Variants in MYLK3 observed in about 807,000 individuals in gnomAD.
The protein encoded by MYLK3 is MLC kinase.
MYLK3 carries 55 observed loss-of-function variants against 76.3 expected under a neutral mutation model. The ratio of observed to expected loss-of-function variants is 0.72; its 90% CI spans 0.58 to 0.90. The LOEUF (loss-of-function observed/expected upper bound fraction) is 0.90. MYLK3 is among the 40% of genes least tolerant of loss of function. The pLI is 0.00. For missense variants in MYLK3, 973 were observed against 1,053.6 expected (o/e 0.92, Z 1.06); for synonymous variants, 416 against 425.4 (o/e 0.98, Z 0.27).
intron 8 of MYLK3, among the ~76,000 whole-genome samples, chr16:46,724,184 T>C (rs1209958117): frequency 6.6e-6 from 1 of 152,214 alleles, no homozygotes; most frequent in Non-Finnish European, 1.5e-5. Context: ...AAGAGTTTGT[T>C]ATATGTTGTA....
intron 5 of MYLK3, among the ~76,000 whole-genome samples, chr16:46,730,352 C>T (rs1966850106): frequency 6.6e-6 from 1 of 152,178 alleles, no homozygotes. Flanking sequence ...GGGTGCCCGC[C>T]CTCCTGAGCC....
chr16:46,708,021 G>T (rs1421202524), intron 12 of MYLK3, among the ~76,000 whole-genome samples: 2 of 151,816 alleles, frequency 1.3e-5, no homozygotes. Context: ...GGGTAGGGGG[G>T]TCAGGATGGG....
chr16:46,758,657 C>T (rs1307768428), intron 1 of MYLK3, among the ~76,000 whole-genome samples: 2 of 152,192 alleles, frequency 1.3e-5, no homozygotes, highest in East Asian at 3.9e-4. Context: ...CGAGAAGGGT[C>T]ATTTCCCTTA....
intron 10 of MYLK3, 163 bp from the exon 11 acceptor site, chr16:46,710,952 T>C (rs751589129): frequency 2.6e-5 from 20 of 764,272 alleles, no homozygotes; most frequent in Non-Finnish European, 4.1e-5. Context: ...GTCCAGTGTG[T>C]TCATTAAAGG....
chr16:46,732,509 A>C lies in MYLK3; in HGVS notation c.1161T>G (p.Thr387=), dbSNP rs1306303037. The change falls in exon 4 of 13, where the codon ACT becomes ACG. Residue 387 remains threonine, a synonymous_variant. Transcript: ENST00000394809. ...GTGRCLQAPG[T]EPGEQTPEGA... ...CTTCAGGGGTCTGTTCTCCGGGCTC[A>C]GTCCCAGGGGCTTGGAGGCAGCGCC... is the stretch of plus-strand genomic sequence containing the variant. The C allele has an allele frequency of 2.5e-6, 4 of 1,606,532 alleles. No homozygotes were observed. In the Admixed American group the frequency reaches 6.7e-5, roughly 27 times the overall value.
At chr16:46,730,192 C>T (rs1469414887) in intron 5 of MYLK3, among the ~76,000 whole-genome samples, 1 of 151,594 alleles carries the variant, frequency 6.6e-6, no homozygotes, top group Non-Finnish European at 1.5e-5. Context: ...AACATCCCCT[C>T]ACCCCACACC....
chr16:46,758,313 CT>C, intron 1 of MYLK3, among the ~76,000 whole-genome samples: 1 of 8,386 alleles, frequency 1.2e-4, no homozygotes, highest in Non-Finnish European at 2.8e-4. Context: ...CACTCTCTCT[CT>C]CTCTCTCTCT....
chr16:46,726,331 T>C (rs1966840329), intron 8 of MYLK3: 1 of 152,260 alleles, frequency 6.6e-6, no homozygotes. Flanking sequence ...TCCCAGCACT[T>C]TGGGAGGCTG....
At chr16:46,743,104 AC>A (rs1267929676) in intron 1 of MYLK3, among the ~76,000 whole-genome samples, 1 of 152,062 alleles carries the variant, frequency 6.6e-6, no homozygotes, top group Non-Finnish European at 1.5e-5. Flanking sequence ...GTGCTTCCTC[AC>A]ACACCATTCT....
chr16:46,751,102 T>C (rs1280584051), upstream of MYLK3, among the ~76,000 whole-genome samples: 1 of 151,862 alleles, frequency 6.6e-6, no homozygotes, highest in Non-Finnish European at 1.5e-5. Context: ...CCCAGCCATG[T>C]ATCTATAACA....
At chr16:46,742,447 A>ACACACACACACACACACACACAC (rs1555471290) in intron 1 of MYLK3, among the ~76,000 whole-genome samples, 5 of 131,186 alleles carry the variant, frequency 3.8e-5, no homozygotes, top group Admixed American at 7.9e-5. Flanking sequence ...TCCCAGCAAA[A>ACACACACACACACACACACACAC]ACACACACAC....
At chr16:46,746,808 C>T (rs578201370) in intron 1 of MYLK3, among the ~76,000 whole-genome samples, 2 of 149,558 alleles carry the variant, frequency 1.3e-5, no homozygotes, top group African/African-American at 4.9e-5. Flanking sequence ...GTGCAGACAG[C>T]GGGGGCTAGG....
rs1966595471 is a variant in MYLK3 at position 46,703,403 on chromosome 16, G to T, written c.*4301C>A. ...AAAGCATGGGAATGACTTTTATTTGGATACATATCCATCAAAAGTGGGAGA... is the reference window on the plus strand; with the variant it reads ...AAAGCATGGGAATGACTTTTATTTGTATACATATCCATCAAAAGTGGGAGA... On this transcript the variant is annotated 3_prime_UTR_variant, in exon 13 of 13. Transcript: ENST00000394809. 1.3e-5 allele frequency: 2 copies of T among 152,172 alleles called. No homozygotes were observed. Among genetic ancestry groups the T allele is most frequent in the Admixed American group, 6.5e-5 (1 of 15,274 alleles). The allele number at this position is 152,172 out of a possible 1,614,324, so 9.4% of individuals were successfully genotyped here.
chr16:46,721,187 T>C lies in MYLK3; in HGVS notation c.1921A>G (p.Asn641Asp). 6.2e-7 allele frequency: 1 copy of C among 1,614,160 alleles called. No homozygotes were observed. The highest frequency in any genetic ancestry group is 8.5e-7 in the Non-Finnish European group (1 of 1,180,018). Residue 641 changes from asparagine (N) to aspartate (D), a missense_variant, in exon 9 of 13, where the codon AAC (asparagine) becomes GAC (aspartate). Physicochemically the swap from Asn to Asp is conservative, Grantham distance 23. Transcript: ENST00000394809. Reference sequence around the variant, plus strand: ...CCTGTCTGATTGACGCACAATATGTTCTCCGGCTGGGAAAGAAAGAAGTCT... The same window carrying C: ...CCTGTCTGATTGACGCACAATATGTCCTCCGGCTGGGAAAGAAAGAAGTCT... ...YILHLDLKPE[N>D]ILCVNQTGHQ...
In MYLK3 at chr16:46,729,607, C is replaced by A; in HGVS notation, c.1649G>T (p.Ser550Ile). The A allele has an allele frequency of 6.2e-7, 1 of 1,613,748 alleles. No homozygotes were observed. Among genetic ancestry groups the A allele is most frequent in the South Asian group, 1.1e-5 (1 of 91,080 alleles). Residue 550 changes from serine (S) to isoleucine (I), a missense_variant, in exon 6 of 13, where the codon AGC becomes ATC. By Grantham distance (142) the Ser-to-Ile change is moderately radical. Transcript: ENST00000394809. ...PLAAKIIKVK[S>I]AKDREDVKNE... ...CAGATGCCTCACCCGGTCCTTGGCG[C>A]TCTTCACTTTGATGATCTTGGCAGC...
At chr16:46,713,491 C>T (rs1273838825) in intron 9 of MYLK3, among the ~76,000 whole-genome samples, 1 of 152,178 alleles carries the variant, frequency 6.6e-6, no homozygotes, top group African/African-American at 2.4e-5. Flanking sequence ...AGCCACTACA[C>T]CCAGCCGGTA....
At chr16:46,739,346 C>T (rs1966893382) in intron 2 of MYLK3, among the ~76,000 whole-genome samples, 1 of 152,142 alleles carries the variant, frequency 6.6e-6, no homozygotes, top group Non-Finnish European at 1.5e-5. Flanking sequence ...ACATAAATAT[C>T]ATGCAAAATT....
intron 9 of MYLK3, among the ~76,000 whole-genome samples, chr16:46,714,294 A>G (rs1966715004): frequency 6.6e-6 from 1 of 152,216 alleles, no homozygotes; most frequent in South Asian, 2.1e-4. Context: ...ATTGAGAATA[A>G]CAATAATAAA....
intron 4 of MYLK3, among the ~76,000 whole-genome samples, chr16:46,731,285 T>C (rs1189812218): frequency 6.6e-6 from 1 of 152,186 alleles, no homozygotes; most frequent in African/African-American, 2.4e-5. Context: ...GCAAGGGAAA[T>C]AGAGGACGGC....
Sources: gnomAD v4.1 joint callset for allele counts (sites outside exome capture counted in the v4.1 genomes callset) on GRCh38, gnomAD v4.1.1 for gene constraint, MANE v1.5 for transcripts, NCBI Gene and HGNC (gene_info 2026-07-23, HGNC 2026-07-21) for gene names.